The following OR10J1 variants were observed in gnomAD, a reference collection of about 807,000 sequenced individuals.
OR10J1 encodes olfactory receptor family 10 subfamily J member 1.
For missense variants in OR10J1, 474 were observed against 376.6 expected, an observed-to-expected ratio of 1.26 and a Z score of -2.14; for synonymous variants, 202 against 143.8, an observed-to-expected ratio of 1.40 and a Z score of -2.89.
chr1:159,434,371 A>T (rs536923581), upstream of OR10J1, among the ~76,000 whole-genome samples: 1 of 152,204 alleles, frequency 6.6e-6, no homozygotes, highest in Middle Eastern at 3.2e-3. Context: ...GATCCTATTC[A>T]TGATATCTTG....
the OR10J1 span, among the ~76,000 whole-genome samples, chr1:159,426,722 G>T: frequency 3.3e-5 from 5 of 151,744 alleles, no homozygotes; most frequent in Non-Finnish European, 5.9e-5. Context: ...GATCCCAAAG[G>T]ATGTCTCAAT....
chr1:159,438,380 A>G (rs1197606101), upstream of OR10J1, among the ~76,000 whole-genome samples: 2 of 152,216 alleles, frequency 1.3e-5, no homozygotes, highest in Admixed American at 6.5e-5. Context: ...GACATTTCAC[A>G]TCGTGAATGG....
chr1:159,430,782 T>A, the OR10J1 span, among the ~76,000 whole-genome samples: 1 of 151,936 alleles, frequency 6.6e-6, no homozygotes, highest in South Asian at 2.1e-4. Flanking sequence ...AATTTAGTAT[T>A]TGCCTGCTAT....
the OR10J1 span, chr1:159,406,509 TG>T: frequency 4.3e-6 from 1 of 234,140 alleles, no homozygotes; most frequent in Non-Finnish European, 8.5e-6. Flanking sequence ...GGGTTATCTT[TG>T]TTCCTCTACT....
chr1:159,417,348 T>C, the OR10J1 span, among the ~76,000 whole-genome samples: 1 of 152,192 alleles, frequency 6.6e-6, no homozygotes, highest in African/African-American at 2.4e-5. Flanking sequence ...GGTTTGACTC[T>C]GACCACACCC....
chr1:159,428,693 G>A, the OR10J1 span, among the ~76,000 whole-genome samples: 5 of 152,152 alleles, frequency 3.3e-5, no homozygotes, highest in Non-Finnish European at 5.9e-5. Context: ...TTGCCTGTGG[G>A]ACTTTGGATC....
chr1:159,420,718 A>C, the OR10J1 span, among the ~76,000 whole-genome samples: 1 of 152,040 alleles, frequency 6.6e-6, no homozygotes, highest in Non-Finnish European at 1.5e-5. Context: ...CTTTGAATAC[A>C]TCATACTATT....
upstream of OR10J1, among the ~76,000 whole-genome samples, chr1:159,437,657 C>T (rs773829021): frequency 1.2e-4 from 18 of 151,298 alleles, no homozygotes; most frequent in Non-Finnish European, 2.2e-4. Context: ...TAAATGAGCC[C>T]TATACATAAT....
chr1:159,439,448 A>G (rs981461385), upstream of OR10J1, among the ~76,000 whole-genome samples: 3 of 152,212 alleles, frequency 2.0e-5, no homozygotes, highest in Non-Finnish European at 2.9e-5. Context: ...ATGTGCACTC[A>G]TCTCTGAAGA....
chr1:159,400,179 A>G, the OR10J1 span, among the ~76,000 whole-genome samples: 1 of 152,088 alleles, frequency 6.6e-6, no homozygotes, highest in South Asian at 2.1e-4. Context: ...CATGTACCCT[A>G]AAACTTAAAG....
the OR10J1 span, among the ~76,000 whole-genome samples, chr1:159,414,997 C>A: frequency 6.6e-6 from 1 of 152,036 alleles, no homozygotes. Context: ...GAATAGTTTG[C>A]AAATATATAC....
the OR10J1 span, among the ~76,000 whole-genome samples, chr1:159,397,662 C>T: frequency 2.6e-5 from 4 of 152,166 alleles, no homozygotes; most frequent in Non-Finnish European, 5.9e-5. Flanking sequence ...TGAGATTCTT[C>T]TGCCTTTGGA....
the OR10J1 span, chr1:159,432,188 A>G: frequency 6.7e-5 from 27 of 400,336 alleles, no homozygotes; most frequent in Admixed American, 3.1e-4. Context: ...TCTCTTTCAG[A>G]CTCAGATTCT....
At chr1:159,406,125 T>C in the OR10J1 span, 4 of 460,852 alleles carry the variant, frequency 8.7e-6, no homozygotes, top group African/African-American at 4.1e-5. Flanking sequence ...AGAAAGCATA[T>C]GGGGAGTAAT....
the OR10J1 span, among the ~76,000 whole-genome samples, chr1:159,403,769 T>C: frequency 2.6e-5 from 4 of 152,188 alleles, no homozygotes; most frequent in African/African-American, 7.2e-5. Flanking sequence ...GCTGGATATA[T>C]ACACAAAAGA....
chr1:159,432,165 C>A, the OR10J1 span: 9 of 400,406 alleles, frequency 2.2e-5, no homozygotes, highest in East Asian at 2.8e-4. Flanking sequence ...GGATGCTCAA[C>A]ATTCCCACTT....
At chr1:159,427,816 A>G in the OR10J1 span, among the ~76,000 whole-genome samples, 1 of 152,244 alleles carries the variant, frequency 6.6e-6, no homozygotes, top group South Asian at 2.1e-4. Flanking sequence ...GATAGATGAA[A>G]AAATAGTAAA....
the OR10J1 span, among the ~76,000 whole-genome samples, chr1:159,424,397 T>G: frequency 2.7e-5 from 4 of 150,060 alleles, no homozygotes; most frequent in Admixed American, 6.7e-5. Context: ...TGTGTATACA[T>G]GTACATGAAT....
the OR10J1 span, among the ~76,000 whole-genome samples, chr1:159,411,754 G>C: frequency 6.6e-6 from 1 of 152,054 alleles, no homozygotes; most frequent in Admixed American, 6.6e-5. Flanking sequence ...ATGTTAGCTG[G>C]TTATTTTGCT....
Sources: gnomAD v4.1 joint callset for allele counts (sites outside exome capture counted in the v4.1 genomes callset) on GRCh38, gnomAD v4.1.1 for gene constraint, MANE v1.5 for transcripts, NCBI Gene and HGNC (gene_info 2026-07-23, HGNC 2026-07-21) for gene names.